JAK1: variants seen among roughly 807,000 people sequenced by gnomAD.
JAK1 encodes tyrosine-protein kinase JAK1.
A neutral mutation model predicts 136.6 loss-of-function variants in JAK1; 16 were observed. That is an observed-to-expected ratio of 0.12 (90% confidence interval 0.08 to 0.18). JAK1 has a LOEUF of 0.18. Ranked by LOEUF, JAK1 falls within the 10% of genes least tolerant of loss-of-function variation. The probability of loss-of-function intolerance (pLI) is 1.00; values close to 1 mark genes in which losing one functional copy is unlikely to be tolerated. For missense variants in JAK1, 859 were observed against 1,450.1 expected, an observed-to-expected ratio of 0.59 and a Z score of 6.62; for synonymous variants, 492 against 519.5, an observed-to-expected ratio of 0.95 and a Z score of 0.72.
chr1:65,009,012 T>C (rs1054324434), intron 2 of JAK1, among the ~76,000 whole-genome samples: 7 of 152,218 alleles, frequency 4.6e-5, no homozygotes, highest in Non-Finnish European at 4.4e-5. Flanking sequence ...ATTGAAAATA[T>C]ATTCACAAAG....
intron 1 of JAK1, among the ~76,000 whole-genome samples, chr1:64,912,624 G>A (rs1447142573): frequency 1.3e-5 from 2 of 152,146 alleles, no homozygotes; most frequent in East Asian, 1.9e-4. Flanking sequence ...GATCTCAATT[G>A]CCACATTAAC....
At chr1:64,843,081 C>T (rs1381077200) in intron 17 of JAK1, among the ~76,000 whole-genome samples, 1 of 152,276 alleles carries the variant, frequency 6.6e-6, no homozygotes, top group Admixed American at 6.5e-5. Context: ...CACCCAAATC[C>T]TTCCTTGTCC....
At chr1:65,053,477 G>GA (rs1190446165) in intron 1 of JAK1, among the ~76,000 whole-genome samples, 2 of 152,140 alleles carry the variant, frequency 1.3e-5, no homozygotes, top group South Asian at 2.1e-4. Context: ...ATTTTTAAAG[G>GA]AAAAAAATCT....
intron 2 of JAK1, among the ~76,000 whole-genome samples, chr1:64,983,222 T>G (rs1646566089): frequency 6.6e-6 from 1 of 152,004 alleles, no homozygotes; most frequent in Admixed American, 6.6e-5. Context: ...ACAGTGCACA[T>G]ACATTCATAC....
At chr1:64,955,659 C>A (rs777846765) in intron 1 of JAK1, among the ~76,000 whole-genome samples, 2 of 152,178 alleles carry the variant, frequency 1.3e-5, no homozygotes, top group Admixed American at 6.5e-5. Flanking sequence ...GATCAGTAGT[C>A]AGACACGGAA....
chr1:65,050,336 G>C (rs983107919), intron 1 of JAK1, among the ~76,000 whole-genome samples: 1 of 152,212 alleles, frequency 6.6e-6, no homozygotes, highest in African/African-American at 2.4e-5. Context: ...AGCACAAAGT[G>C]CCATGAGATC....
intron 5 of JAK1, among the ~76,000 whole-genome samples, chr1:64,871,288 C>T (rs559580229): frequency 3.9e-5 from 6 of 152,218 alleles, no homozygotes; most frequent in South Asian, 4.2e-4. Flanking sequence ...TATACTGATA[C>T]GTGTGTGATC....
chr1:64,851,456 C>T (rs35404763), intron 11 of JAK1, among the ~76,000 whole-genome samples: 1,926 of 152,288 alleles, frequency 0.013, 19 homozygotes, highest in South Asian at 0.036. Context: ...GGTGAACAAA[C>T]GCTGGTTTTG....
chr1:65,008,086 G>A (rs1337615913), intron 2 of JAK1, among the ~76,000 whole-genome samples: 1 of 152,132 alleles, frequency 6.6e-6, no homozygotes, highest in Non-Finnish European at 1.5e-5. Context: ...TTTAGATTGT[G>A]ATTAGCACAG....
rs761936174 is a variant in JAK1 at position 64,847,599 on chromosome 1, G to A, written c.1832C>T (p.Thr611Ile). The change falls in exon 13 of 25, where the codon ACT becomes ATT. Residue 611 changes from threonine (T) to isoleucine (I), a missense_variant. Thr to Ile is a moderately conservative substitution (Grantham distance 89). This residue lies in a region of JAK1 where 409 missense variants were observed against 753.8 expected (regional missense o/e 0.54). Coordinates refer to ENST00000342505, the MANE Select transcript of JAK1 (RefSeq NM_002227.4). ...CACTTTTATCTTCTTCTCTTCAGAA[G>A]TTCCTTCGTCATCCTTGTAATCCAT... ...TLMDYKDDEG[T>I]SEEKKIKVIL... 9.3e-6 allele frequency: 15 copies of A among 1,614,010 alleles called. No individual in the cohort carries two copies. In the South Asian group the frequency reaches 1.6e-4, roughly 18 times the overall value.
At chr1:64,870,590 C>T (rs1049070195) in intron 5 of JAK1, among the ~76,000 whole-genome samples, 2 of 152,052 alleles carry the variant, frequency 1.3e-5, no homozygotes, top group African/African-American at 4.8e-5. Flanking sequence ...CAGCCACATT[C>T]GGTTTTCATC....
intron 10 of JAK1, among the ~76,000 whole-genome samples, chr1:64,857,183 T>C (rs558447142): frequency 6.6e-5 from 10 of 152,290 alleles, no homozygotes; most frequent in African/African-American, 2.2e-4. Flanking sequence ...TTTGTTAAAG[T>C]GTCTGAAGCT....
chr1:64,834,748 G>A, intron 24 of JAK1, 91 bp from the exon 25 acceptor site: 2 of 834,234 alleles, frequency 2.4e-6, no homozygotes, highest in Non-Finnish European at 3.9e-6. Context: ...AAATAATTTT[G>A]GAAATGCAAT....
chr1:64,936,697 C>G (rs1645794864), intron 1 of JAK1, among the ~76,000 whole-genome samples: 1 of 152,162 alleles, frequency 6.6e-6, no homozygotes, highest in African/African-American at 2.4e-5. Context: ...CAGGAAAACA[C>G]TAGGACCTAC....
chr1:64,997,884 A>G (rs1325763696), intron 2 of JAK1, among the ~76,000 whole-genome samples: 1 of 152,238 alleles, frequency 6.6e-6, no homozygotes, highest in Non-Finnish European at 1.5e-5. Flanking sequence ...ATGGAAGCCC[A>G]GAGCCACAAG....
chr1:64,954,403 C>G (rs548668884), intron 1 of JAK1, among the ~76,000 whole-genome samples: 1 of 152,192 alleles, frequency 6.6e-6, no homozygotes, highest in Non-Finnish European at 1.5e-5. Flanking sequence ...CTCCTCCCCA[C>G]GTGGGATGAT....
intron 22 of JAK1, among the ~76,000 whole-genome samples, chr1:64,837,217 T>C (rs2100939428): frequency 6.6e-6 from 1 of 152,310 alleles, no homozygotes; most frequent in Non-Finnish European, 1.5e-5. Flanking sequence ...TCACCATATC[T>C]CCAGTACTGG....
rs755006153 is a variant in JAK1 at position 64,940,211 on chromosome 1, C to T, written c.-78+26122G>A. 3.3e-5 allele frequency among the ~76,000 whole-genome samples: 5 copies of T among 152,102 alleles called. No individual in the cohort carries two copies. The East Asian group carries it at 5.8e-4, about 18-fold the overall frequency. ...GCTAGTTACTATGGAACAAATACAC[C>T]GTGTGTGTACATGTGCATGCAAATA... On this transcript the variant is annotated intron_variant, in intron 1 of 24. Transcript: ENST00000342505.
chr1:64,882,405 T>C (rs1644786917), intron 3 of JAK1, among the ~76,000 whole-genome samples: 2 of 152,064 alleles, frequency 1.3e-5, no homozygotes, highest in African/African-American at 4.8e-5. Flanking sequence ...ATAAAACGAG[T>C]TGATAGAACC....
Sources: gnomAD v4.1 joint callset for allele counts (sites outside exome capture counted in the v4.1 genomes callset) on GRCh38, gnomAD v4.1.1 for gene constraint, gnomAD v4.1.1 regional missense constraint, MANE v1.5 for transcripts, NCBI Gene and HGNC (gene_info 2026-07-23, HGNC 2026-07-21) for gene names.